Variants in PEBP4 observed in about 807,000 individuals in gnomAD.
The protein encoded by PEBP4 is phosphatidylethanolamine binding protein 4, also known as phosphatidylethanolamine-binding protein 4.
Under a neutral mutation model 23.9 loss-of-function variants are expected in PEBP4, and 22 were observed. The observed-to-expected ratio is 0.92, with a 90% CI of 0.66 to 1.31. The LOEUF (loss-of-function observed/expected upper bound fraction) is 1.31. Ranked by LOEUF, PEBP4 falls within the 40% of genes most tolerant of loss-of-function variation. The pLI is 0.00. For missense variants in PEBP4, 324 were observed against 281.7 expected (o/e 1.15, Z -1.07); for synonymous variants, 112 against 99.3 (o/e 1.13, Z -0.76).
At chr8:22,760,477 G>T (rs1326940214) in intron 4 of PEBP4, among the ~76,000 whole-genome samples, 3 of 152,164 alleles carry the variant, frequency 2.0e-5, no homozygotes, top group Non-Finnish European at 4.4e-5. Context: ...GTGCTTGGTG[G>T]ATGCTTATGG....
chr8:22,868,373 C>T (rs1377829344), intron 3 of PEBP4, among the ~76,000 whole-genome samples: 1 of 152,160 alleles, frequency 6.6e-6, no homozygotes, highest in African/African-American at 2.4e-5. Flanking sequence ...AGAAAAGCTG[C>T]TTTCCTCTGG....
intron 3 of PEBP4, among the ~76,000 whole-genome samples, chr8:22,840,225 C>T (rs567835386): frequency 1.3e-5 from 2 of 152,232 alleles, no homozygotes; most frequent in African/African-American, 4.8e-5. Context: ...CTTCATATTA[C>T]CCTCTAAACT....
At chr8:22,794,871 A>C (rs1225363883) in intron 4 of PEBP4, among the ~76,000 whole-genome samples, 1 of 152,132 alleles carries the variant, frequency 6.6e-6, no homozygotes, top group Non-Finnish European at 1.5e-5. Context: ...AAACATTTAA[A>C]TAGCTAATCC....
chr8:22,925,052 G>T, intron 2 of PEBP4: 1 of 985,378 alleles, frequency 1.0e-6, no homozygotes, highest in African/African-American at 1.7e-5. Flanking sequence ...TGGGGATCTT[G>T]AGGAGGGGTC....
chr8:22,908,295 G>T (rs2128778246), intron 3 of PEBP4, among the ~76,000 whole-genome samples: 1 of 152,132 alleles, frequency 6.6e-6, no homozygotes, highest in South Asian at 2.1e-4. Context: ...AGGAGAAAAG[G>T]AGACACCGAA....
At chr8:22,875,991 C>A (rs370965863) in intron 3 of PEBP4, among the ~76,000 whole-genome samples, 1 of 151,988 alleles carries the variant, frequency 6.6e-6, no homozygotes, top group African/African-American at 2.4e-5. Context: ...CTCACTGCAA[C>A]CTCAGCCTTC....
intron 3 of PEBP4, among the ~76,000 whole-genome samples, chr8:22,829,612 G>A (rs1807039574): frequency 6.6e-6 from 1 of 152,098 alleles, no homozygotes; most frequent in African/African-American, 2.4e-5. Context: ...TCAGGCCCCA[G>A]GAAGGAAGAG....
intron 3 of PEBP4, among the ~76,000 whole-genome samples, chr8:22,849,719 T>C (rs1478702960): frequency 6.6e-6 from 1 of 152,198 alleles, no homozygotes; most frequent in Non-Finnish European, 1.5e-5. Context: ...CCTGGGGTGT[T>C]ACTACAACTC....
intron 6 of PEBP4, among the ~76,000 whole-genome samples, chr8:22,722,939 AT>A (rs373079543): frequency 0.27 from 39,046 of 145,000 alleles, 5,087 homozygotes; most frequent in Admixed American, 0.37. Flanking sequence ...CGCTGGGCTA[AT>A]TTTTTTTTTT....
At chr8:22,857,473 T>A (rs186608249) in intron 3 of PEBP4, among the ~76,000 whole-genome samples, 46 of 152,294 alleles carry the variant, frequency 3.0e-4, no homozygotes, top group African/African-American at 1.1e-3. Flanking sequence ...CACAGTATAT[T>A]CTGGCTTTTA....
At chr8:22,932,370 C>T (rs1809469750), upstream of PEBP4, among the ~76,000 whole-genome samples, 1 of 152,122 alleles carries the variant, frequency 6.6e-6, no homozygotes, top group Non-Finnish European at 1.5e-5. Context: ...ATACTAAAAA[C>T]CACTGAATTA....
At chr8:22,789,201 C>T (rs980264138) in intron 4 of PEBP4, among the ~76,000 whole-genome samples, 1 of 152,054 alleles carries the variant, frequency 6.6e-6, no homozygotes, top group Non-Finnish European at 1.5e-5. Flanking sequence ...CAGTTATACA[C>T]TAAGTGTGTT....
intron 3 of PEBP4, among the ~76,000 whole-genome samples, chr8:22,853,199 G>T (rs2055824): frequency 0.49 from 74,901 of 152,000 alleles, 18,554 homozygotes; most frequent in South Asian, 0.67. Flanking sequence ...GTTTGCTACT[G>T]TTATGAATCA....
At position 22,865,464 on chromosome 8, in the gene PEBP4, G is replaced by C. The variant is rs892631250; in HGVS notation, c.259-47729C>G. 6.6e-6 allele frequency among the ~76,000 whole-genome samples: 1 copy of C among 151,970 alleles called. No homozygotes were observed. Among genetic ancestry groups the C allele is most frequent in the Non-Finnish European group, 1.5e-5 (1 of 67,934 alleles). On this transcript the variant is annotated intron_variant, in intron 3 of 6. Coordinates refer to ENST00000256404, the MANE Select transcript of PEBP4 (RefSeq NM_144962.3). This position sits in a 1 kb window ranked among gnomAD's most constrained non-coding sequence, Gnocchi z 6.9. Reference sequence around the variant, plus strand: ...GCGGGGGCCGCACTTTCCCCGCCGCGAGGTGGAGCGCGCCACCGCCCCCCC... The same window carrying C: ...GCGGGGGCCGCACTTTCCCCGCCGCCAGGTGGAGCGCGCCACCGCCCCCCC...
Position 22,920,275 on chromosome 8 carries a change from A to G in PEBP4, c.167T>C (p.Ile56Thr), listed in dbSNP as rs779810289. The change falls in exon 3 of 7, where the codon ATT (isoleucine) becomes ACT (threonine). Residue 56 changes from isoleucine to threonine, a missense_variant. Coordinates refer to ENST00000256404, the MANE Select transcript of PEBP4 (RefSeq NM_144962.3). ...ACAATCAGGAACAACCTTGCAGCCA[A>G]TGTTCCCCAACTCTGGGTAGAAAAC... The part of the protein sequence containing the change: ...LEVFYPELGN[I>T]GCKVVPDCNN... 6.2e-7 allele frequency: 1 copy of G among 1,613,672 alleles called. No homozygotes were observed. The highest frequency in any genetic ancestry group is 2.2e-5 in the East Asian group (1 of 44,870).
chr8:22,853,219 A>G (rs1807581801), intron 3 of PEBP4, among the ~76,000 whole-genome samples: 1 of 152,164 alleles, frequency 6.6e-6, no homozygotes, highest in South Asian at 2.1e-4. Flanking sequence ...ATTAGCCCTC[A>G]TTTTACTCCT....
intron 3 of PEBP4, among the ~76,000 whole-genome samples, chr8:22,900,244 G>A (rs1264042311): frequency 6.6e-6 from 1 of 152,078 alleles, no homozygotes; most frequent in East Asian, 1.9e-4. Flanking sequence ...GGGTTGGGGA[G>A]GGGTGTGAGA....
intron 3 of PEBP4, among the ~76,000 whole-genome samples, chr8:22,830,401 G>A (rs544246566): frequency 6.6e-6 from 1 of 152,094 alleles, no homozygotes; most frequent in East Asian, 1.9e-4. Context: ...GCCTGCCTCG[G>A]CCTCCCAAAG....
Position 22,747,106 on chromosome 8 carries a change from G to A in PEBP4, c.358-19886C>T, listed in dbSNP as rs190987910. Among the ~76,000 whole-genome samples the A allele has an allele frequency of 7.7e-3, 1,180 of 152,258 alleles. 13 individuals carry two copies. Among genetic ancestry groups the A allele is most frequent in the African/African-American group, 0.025 (1,056 of 41,546 alleles). ...GGCCTCCCAAAGTGCTGGGATTATA[G>A]GCATGAGCTACCATACCTGGAATTA... On this transcript the variant is annotated intron_variant, in intron 4 of 6. Transcript: ENST00000256404.
Sources: gnomAD v4.1 joint callset for allele counts (sites outside exome capture counted in the v4.1 genomes callset) on GRCh38, gnomAD v4.1.1 for gene constraint, Gnocchi (gnomAD v3.1) non-coding constraint, MANE v1.5 for transcripts, NCBI Gene and HGNC (gene_info 2026-07-23, HGNC 2026-07-21) for gene names.